TENM2: variants seen among roughly 807,000 people sequenced by gnomAD.
TENM2 encodes teneurin transmembrane protein 2, also known as teneurin-2.
In TENM2, 52 loss-of-function variants were observed where a neutral mutation model predicts 245.2. The ratio of observed to expected loss-of-function variants is 0.21; its 90% CI spans 0.17 to 0.27. The LOEUF (loss-of-function observed/expected upper bound fraction) is 0.27. Among genes scored for constraint, TENM2 ranks in the 10% least tolerant of loss-of-function variants. The pLI, the probability that TENM2 is intolerant of heterozygous loss-of-function variation, is 1.00. For synonymous variants in TENM2, 1,363 were observed against 1,438.9 expected (o/e 0.95, Z 1.19); for missense variants, 3,046 against 3,666.8 (o/e 0.83, Z 4.37).
chr5:167,998,983 C>T (rs970008567), intron 5 of TENM2, among the ~76,000 whole-genome samples: 1 of 152,134 alleles, frequency 6.6e-6, no homozygotes, highest in Non-Finnish European at 1.5e-5. Context: ...ATGAATCTTG[C>T]GTTCTCTGCT....
At chr5:167,462,681 T>G (rs933946728) in intron 2 of TENM2, among the ~76,000 whole-genome samples, 7 of 151,896 alleles carry the variant, frequency 4.6e-5, no homozygotes, top group African/African-American at 1.7e-4. Context: ...TCTACTGTCC[T>G]TCTCTGCTGC....
chr5:167,264,323 A>G, the TENM2 span, among the ~76,000 whole-genome samples: 1 of 152,108 alleles, frequency 6.6e-6, no homozygotes, highest in African/African-American at 2.4e-5. Flanking sequence ...GATACTGCTC[A>G]CCCTGGTGGA....
intron 8 of TENM2, among the ~76,000 whole-genome samples, chr5:168,095,754 T>C (rs912183264): frequency 2.0e-5 from 3 of 152,156 alleles, no homozygotes; most frequent in Admixed American, 2.0e-4. Flanking sequence ...ATGTGACAGA[T>C]CTGAGATCTT....
chr5:167,254,962 A>G, the TENM2 span, among the ~76,000 whole-genome samples: 1 of 151,978 alleles, frequency 6.6e-6, no homozygotes, highest in African/African-American at 2.4e-5. Flanking sequence ...ATAACAGGAG[A>G]TGTCAGATCA....
chr5:167,255,073 CTTT>C, the TENM2 span, among the ~76,000 whole-genome samples: 15 of 125,476 alleles, frequency 1.2e-4, no homozygotes, highest in Non-Finnish European at 1.4e-4. Flanking sequence ...CTTTTCTTTT[CTTT>C]TTTTTTTTTT....
chr5:167,910,132 A>C (rs1776435549), intron 3 of TENM2, among the ~76,000 whole-genome samples: 1 of 152,148 alleles, frequency 6.6e-6, no homozygotes, highest in Admixed American at 6.5e-5. Flanking sequence ...TGGTTTTGGA[A>C]TTATCTTCAT....
At chr5:168,047,223 T>G (rs987297310) in intron 5 of TENM2, among the ~76,000 whole-genome samples, 1 of 152,146 alleles carries the variant, frequency 6.6e-6, no homozygotes, top group Admixed American at 6.5e-5. Context: ...CCTGAGACTG[T>G]GAGCAGCAGC....
At chr5:167,149,025 C>CT in the TENM2 span, among the ~76,000 whole-genome samples, 4 of 151,776 alleles carry the variant, frequency 2.6e-5, no homozygotes, top group Admixed American at 1.3e-4. Context: ...TGAATATTTT[C>CT]TTTTTTTTAT....
At chr5:167,447,092 T>C (rs1025460650) in intron 2 of TENM2, among the ~76,000 whole-genome samples, 3 of 152,194 alleles carry the variant, frequency 2.0e-5, no homozygotes, top group Admixed American at 6.5e-5. Flanking sequence ...TGTTCCAAAC[T>C]GTATAACAAA....
chr5:167,945,322 G>A (rs1051836626), intron 3 of TENM2, among the ~76,000 whole-genome samples: 11 of 119,088 alleles, frequency 9.2e-5, no homozygotes, highest in Middle Eastern at 4.2e-3. Flanking sequence ...TCAAGCACCC[G>A]GGGGGGGCAC....
At chr5:167,375,448 C>A (rs763730897) in exon 2 of TENM2, 1 of 1,551,686 alleles carries the variant, frequency 6.4e-7, no homozygotes, top group East Asian at 2.4e-5. Flanking sequence ...ACTCTGACAA[C>A]GAAAACAAAT....
the TENM2 span, among the ~76,000 whole-genome samples, chr5:167,066,658 C>G: frequency 0.016 from 2,347 of 150,898 alleles, 62 homozygotes; most frequent in African/African-American, 0.054. Context: ...ATGAACAAAT[C>G]AAATGTCCCA....
the TENM2 span, among the ~76,000 whole-genome samples, chr5:167,261,457 C>G: frequency 6.6e-6 from 1 of 152,116 alleles, no homozygotes; most frequent in Admixed American, 6.5e-5. Flanking sequence ...GCAAAGTAAC[C>G]CCTCAATAAA....
intron 2 of TENM2, among the ~76,000 whole-genome samples, chr5:167,856,727 A>G (rs1043336186): frequency 1.3e-5 from 2 of 152,198 alleles, no homozygotes; most frequent in Admixed American, 6.5e-5. Flanking sequence ...TCACAAAATT[A>G]TGGGGATTTA....
intron 2 of TENM2, among the ~76,000 whole-genome samples, chr5:167,600,061 G>T (rs1446939632): frequency 1.1e-3 from 26 of 24,094 alleles, no homozygotes; most frequent in South Asian, 1.4e-3. Flanking sequence ...CGGGAGAATT[G>T]CTTGAACCCA....
At chr5:167,717,988 A>G (rs1759380615) in intron 2 of TENM2, among the ~76,000 whole-genome samples, 1 of 152,152 alleles carries the variant, frequency 6.6e-6, no homozygotes, top group Admixed American at 6.5e-5. Context: ...TTCCCAAAGG[A>G]GATTTATTTT....
intron 12 of TENM2, among the ~76,000 whole-genome samples, chr5:168,144,345 A>G (rs1187771710): frequency 6.9e-6 from 1 of 143,894 alleles, no homozygotes; most frequent in African/African-American, 2.6e-5. Flanking sequence ...CCCACCCCAC[A>G]ACAGTCCCCA....
chr5:168,004,171 C>T (rs1469641628), intron 5 of TENM2, among the ~76,000 whole-genome samples: 3 of 152,262 alleles, frequency 2.0e-5, no homozygotes, highest in Non-Finnish European at 4.4e-5. Flanking sequence ...CATTCATGAA[C>T]GTCTTCTTTT....
chr5:167,375,410 C>A (rs752353786), exon 2 of TENM2: 5 of 1,551,640 alleles, frequency 3.2e-6, no homozygotes, highest in Non-Finnish European at 4.4e-6. Context: ...CCTGTCCAGT[C>A]GTGAAAACTC....
Sources: gnomAD v4.1 joint callset for allele counts (sites outside exome capture counted in the v4.1 genomes callset) on GRCh38, gnomAD v4.1.1 for gene constraint, MANE v1.5 for transcripts, NCBI Gene and HGNC (gene_info 2026-07-23, HGNC 2026-07-21) for gene names.